DIPK1A: variants seen among roughly 807,000 people sequenced by gnomAD.
The protein encoded by DIPK1A is divergent protein kinase domain 1A, also known as family with sequence similarity 69 member A.
DIPK1A carries 27 observed loss-of-function variants against 40.8 expected under a neutral mutation model. That is an observed-to-expected ratio of 0.66 (90% CI 0.49 to 0.91). The LOEUF (loss-of-function observed/expected upper bound fraction) is 0.91. DIPK1A is among the 40% of genes least tolerant of loss of function. The pLI is 0.00. For missense variants in DIPK1A, 412 were observed against 505.7 expected, an observed-to-expected ratio of 0.81 and a Z score of 1.78; for synonymous variants, 166 against 171.3, an observed-to-expected ratio of 0.97 and a Z score of 0.24.
chr1:92,891,446 CT>C (rs1391157549), intron 1 of DIPK1A, among the ~76,000 whole-genome samples: 1 of 151,966 alleles, frequency 6.6e-6, no homozygotes. Context: ...ATAAATTTCC[CT>C]CTTAATCTGC....
intron 1 of DIPK1A, chr1:92,931,222 A>G (rs992124682): frequency 1.3e-5 from 2 of 153,380 alleles, no homozygotes; most frequent in African/African-American, 4.8e-5. Context: ...GTCCTTCAGT[A>G]GGTGGATGAT....
chr1:92,870,899 G>A (rs938188509), intron 2 of DIPK1A, among the ~76,000 whole-genome samples: 13 of 152,144 alleles, frequency 8.5e-5, no homozygotes, highest in African/African-American at 1.9e-4. Flanking sequence ...TCCCTGTAGC[G>A]TTGACCTTTA....
intron 1 of DIPK1A, among the ~76,000 whole-genome samples, chr1:92,936,745 A>AC (rs1309229438): frequency 6.6e-6 from 1 of 152,038 alleles, no homozygotes; most frequent in African/African-American, 2.4e-5. Flanking sequence ...AGACATCAAG[A>AC]CCCTTTATCT....
intron 1 of DIPK1A, among the ~76,000 whole-genome samples, chr1:92,881,036 G>A (rs1276374779): frequency 6.6e-6 from 1 of 151,404 alleles, no homozygotes; most frequent in Non-Finnish European, 1.5e-5. Flanking sequence ...AGCTGGGTGT[G>A]GTGGCGGGAG....
At chr1:92,929,124 A>G (rs147418300) in intron 1 of DIPK1A, among the ~76,000 whole-genome samples, 9 of 152,266 alleles carry the variant, frequency 5.9e-5, no homozygotes, top group African/African-American at 1.9e-4. Flanking sequence ...CATCTTGAAG[A>G]TATTTTGTTA....
At chr1:92,861,842 C>T (rs547639696) in intron 2 of DIPK1A, among the ~76,000 whole-genome samples, 2 of 151,966 alleles carry the variant, frequency 1.3e-5, no homozygotes, top group African/African-American at 4.8e-5. Flanking sequence ...AGTGCAGTGG[C>T]GTTATGCCTC....
intron 1 of DIPK1A, among the ~76,000 whole-genome samples, chr1:92,954,503 T>C (rs1258907413): frequency 6.7e-6 from 1 of 149,816 alleles, no homozygotes; most frequent in Non-Finnish European, 1.5e-5. Context: ...GCCTCCCAAG[T>C]AGCTGGGACT....
intron 2 of DIPK1A, among the ~76,000 whole-genome samples, chr1:92,859,409 C>G (rs141963413): frequency 1.4e-4 from 21 of 152,028 alleles, no homozygotes; most frequent in Admixed American, 5.2e-4. Flanking sequence ...CTCTCTCCCC[C>G]CTGCCCGCAA....
downstream of DIPK1A, chr1:92,840,490 G>A (rs935244759): frequency 2.5e-6 from 3 of 1,178,992 alleles, no homozygotes; most frequent in Non-Finnish European, 2.5e-6. Context: ...AGTTATGGTT[G>A]CATTAATATA....
At chr1:92,946,688 A>ACTTT (rs1651376439) in intron 1 of DIPK1A, among the ~76,000 whole-genome samples, 1 of 152,226 alleles carries the variant, frequency 6.6e-6, no homozygotes, top group African/African-American at 2.4e-5. Flanking sequence ...TCATGCCTGT[A>ACTTT]GTCCCAGTAC....
chr1:92,874,586 TAGAGAA>T (rs1429301560), intron 2 of DIPK1A, among the ~76,000 whole-genome samples: 3 of 152,224 alleles, frequency 2.0e-5, no homozygotes, highest in African/African-American at 7.2e-5. Flanking sequence ...AAAGGTGGCC[TAGAGAA>T]AGAGAAATAA....
intron 1 of DIPK1A, chr1:92,930,656 G>A (rs1360484054): frequency 6.6e-6 from 1 of 152,096 alleles, no homozygotes; most frequent in Non-Finnish European, 1.5e-5. Flanking sequence ...TTTCTTTTGC[G>A]AAGGAAAGAA....
rs1227628823 is a variant in DIPK1A, at chr1:92,836,232, G to C, written c.475-3198C>G. The C allele has an allele frequency of 1.2e-6, 2 of 1,613,184 alleles. No individual in the cohort carries two copies. Among genetic ancestry groups the C allele is most frequent in the African/African-American group, 2.7e-5 (2 of 74,930 alleles). On this transcript the variant is annotated intron_variant, in intron 4 of 4. Coordinates refer to the DIPK1A transcript ENST00000615519. ...CATGGACAAGATCTATGAAGGCCAA[G>C]TGGAGGTGACTGGTGATGAATACAA...
At position 92,850,993 on chromosome 1, in the gene DIPK1A, A is replaced by G. The variant is rs182645920; in HGVS notation, c.190-38T>C. The G allele has an allele frequency of 1.3e-5, 17 of 1,293,562 alleles. No homozygotes were observed. The Admixed American group carries it at 3.7e-4, about 28-fold the overall frequency. The allele number at this position is 1,293,562 out of a possible 1,614,324, so 80.1% of individuals were successfully genotyped here. ...AAATAAAAAAGTAGTTAATAGAAAA[A>G]TATTCACAAGAAGAAGCATAAAGAG... is the stretch of plus-strand genomic sequence containing the variant. On this transcript the variant is annotated intron_variant, in intron 2 of 4. Coordinates refer to ENST00000370310, the MANE Select transcript of DIPK1A (RefSeq NM_001006605.5).
chr1:92,845,552 A>AAT (rs1259518223), intron 4 of DIPK1A: 1 of 377,300 alleles, frequency 2.7e-6, no homozygotes. Context: ...AAAAAAAAAA[A>AAT]AAAATGCTGG....
At chr1:92,945,256 A>T (rs1488645554) in intron 1 of DIPK1A, among the ~76,000 whole-genome samples, 1 of 152,194 alleles carries the variant, frequency 6.6e-6, no homozygotes, top group East Asian at 1.9e-4. Context: ...AGATGGTGCC[A>T]GAAAAAGAAG....
chr1:92,855,540 T>C (rs1011690660), intron 2 of DIPK1A, among the ~76,000 whole-genome samples: 1 of 147,496 alleles, frequency 6.8e-6, no homozygotes, highest in Non-Finnish European at 1.5e-5. Flanking sequence ...ATCTAAAAAT[T>C]TTTTTTTTTT....
downstream of DIPK1A, among the ~76,000 whole-genome samples, chr1:92,838,541 C>T (rs1687213994): frequency 6.6e-6 from 1 of 152,218 alleles, no homozygotes; most frequent in South Asian, 2.1e-4. Flanking sequence ...TGCCTTCCTT[C>T]AGCTAGACTA....
intron 2 of DIPK1A, among the ~76,000 whole-genome samples, chr1:92,873,260 A>G (rs1647959910): frequency 6.6e-6 from 1 of 152,036 alleles, no homozygotes; most frequent in Non-Finnish European, 1.5e-5. Context: ...GTATATTTCA[A>G]TTTTAGATCA....
Sources: gnomAD v4.1 joint callset for allele counts (sites outside exome capture counted in the v4.1 genomes callset) on GRCh38, gnomAD v4.1.1 for gene constraint, MANE v1.5 for transcripts, NCBI Gene and HGNC (gene_info 2026-07-23, HGNC 2026-07-21) for gene names.